Variants in DMXL1 observed in about 807,000 individuals in gnomAD.
DMXL1 encodes the protein dmX-like protein 1.
In DMXL1, 99 loss-of-function variants were observed where a neutral mutation model predicts 319.2. That is an observed-to-expected ratio of 0.31 (90% CI 0.26 to 0.37). The LOEUF is 0.37. Ranked by LOEUF, DMXL1 falls within the 10% of genes least tolerant of loss-of-function variation. The probability of loss-of-function intolerance (pLI) is 1.00; values close to 1 mark genes in which losing one functional copy is unlikely to be tolerated. For synonymous variants in DMXL1, 1,385 were observed against 1,235.2 expected (o/e 1.12, Z -2.54); for missense variants, 3,745 against 3,595.6 (o/e 1.04, Z -1.06).
intron 34 of DMXL1, among the ~76,000 whole-genome samples, chr5:119,215,951 C>T (rs1446644594): frequency 2.6e-5 from 4 of 151,740 alleles, no homozygotes; most frequent in Admixed American, 2.6e-4. Flanking sequence ...CAAAACTTAG[C>T]CCGGTGTGGT....
chr5:119,125,532 G>A (rs1015594547), intron 9 of DMXL1, among the ~76,000 whole-genome samples: 1 of 151,998 alleles, frequency 6.6e-6, no homozygotes, highest in Non-Finnish European at 1.5e-5. Flanking sequence ...ACTAAATGTG[G>A]ATTTTGTGTG....
chr5:119,239,195 A>G (rs2150728818), intron 41 of DMXL1, 115 bp downstream of exon 41: 2 of 1,121,422 alleles, frequency 1.8e-6, no homozygotes, highest in Non-Finnish European at 2.5e-6. Context: ...CAGTATTTTT[A>G]TTCTAAAAAC....
At chr5:119,201,651 C>G (rs1011676432) in intron 32 of DMXL1, among the ~76,000 whole-genome samples, 1 of 152,102 alleles carries the variant, frequency 6.6e-6, no homozygotes, top group Non-Finnish European at 1.5e-5. Flanking sequence ...ATGGTACCAG[C>G]TTTTCTTTGT....
chr5:119,121,086 A>T lies in DMXL1; in HGVS notation c.1049A>T (p.His350Leu). Residue 350 changes from histidine (H) to leucine (L), a missense_variant, in exon 9 of 44, where the codon CAT becomes CTT. Physicochemically the swap from His to Leu is moderately conservative, Grantham distance 99. Coordinates refer to ENST00000539542, the MANE Select transcript of DMXL1 (RefSeq NM_001290321.3). The stretch of plus-strand genomic sequence containing the variant: ...CATGTTCACAGGAACACTCCACTGC[A>T]TGCCAATGCACTTTGCCACTTTCAT... Reference protein sequence around the residue: ...PHHVHRNTPLHANALCHFHIA... With the variant: ...PHHVHRNTPLLANALCHFHIA... The T allele has an allele frequency of 1.2e-6, 2 of 1,612,252 alleles. No homozygotes were observed. The highest frequency in any genetic ancestry group is 1.7e-6 in the Non-Finnish European group (2 of 1,179,518).
intron 34 of DMXL1, among the ~76,000 whole-genome samples, chr5:119,210,757 G>GTTTTTTTTTTTTTTTTTTTTTTCTTTT: frequency 5.6e-5 from 5 of 89,778 alleles, no homozygotes; most frequent in East Asian, 3.5e-4. Flanking sequence ...TTTTTCTTTC[G>GTTTTTTTTTTTTTTTTTTTTTTCTTTT]TTTTTTTTTT....
At position 119,239,071 on chromosome 5, in the gene DMXL1, C is replaced by G. The variant is rs745541420; in HGVS notation, c.8642C>G (p.Thr2881Ser). 4 of 1,613,646 alleles carry G rather than the reference C, an allele frequency of 2.5e-6. No individual in the cohort carries two copies. The South Asian group carries it at 4.4e-5, about 18-fold the overall frequency. The change falls in exon 41 of 44, where the codon ACT (threonine) becomes AGT (serine). Residue 2881 changes from threonine (T) to serine (S), a missense_variant. Physicochemically the swap from Thr to Ser is moderately conservative, Grantham distance 58. Coordinates refer to ENST00000539542, the MANE Select transcript of DMXL1 (RefSeq NM_001290321.3). ...SSLIATAGLS[T>S]DNRNVCLWDT... ...CTGATAGCTACAGCTGGTCTTTCAA[C>G]TGACAATAGGTAAGAGATGATAGCT...
intron 2 of DMXL1, among the ~76,000 whole-genome samples, chr5:119,100,308 C>T (rs1420297164): frequency 2.0e-5 from 3 of 151,436 alleles, no homozygotes; most frequent in African/African-American, 4.8e-5. Flanking sequence ...TGGTGGCGGG[C>T]GTCTGTAATC....
intron 1 of DMXL1, among the ~76,000 whole-genome samples, chr5:119,095,852 T>C (rs1357676552): frequency 6.6e-6 from 1 of 152,218 alleles, no homozygotes; most frequent in Non-Finnish European, 1.5e-5. Flanking sequence ...TTTTGTTTGT[T>C]TGAGCCAGTT....
chr5:119,162,354 ATATCT>A (rs924967559), intron 19 of DMXL1, among the ~76,000 whole-genome samples: 2 of 152,186 alleles, frequency 1.3e-5, no homozygotes, highest in Admixed American at 6.5e-5. Flanking sequence ...TCTATAACAA[ATATCT>A]TAGACTGGGT....
intron 39 of DMXL1, among the ~76,000 whole-genome samples, chr5:119,235,727 A>T (rs935368954): frequency 1.2e-4 from 19 of 152,074 alleles, no homozygotes; most frequent in African/African-American, 4.6e-4. Flanking sequence ...GAAAAAGGTT[A>T]TTTACAACCC....
intron 28 of DMXL1, among the ~76,000 whole-genome samples, chr5:119,186,904 A>G (rs577472871): frequency 1.3e-5 from 2 of 150,032 alleles, no homozygotes; most frequent in Non-Finnish European, 3.0e-5. Flanking sequence ...GAAGGGGAAC[A>G]TCACACACTG....
In DMXL1 at chr5:119,193,898, A is replaced by G; in HGVS notation, c.7385A>G (p.Asp2462Gly). The change falls in exon 30 of 44, where the codon GAC (aspartate) becomes GGC (glycine). Residue 2462 changes from aspartate (D) to glycine (G), a missense_variant. Around this residue, in one of 4 missense-constraint regions of DMXL1, gnomAD observed 1,382 missense variants for 1,269.5 expected, o/e 1.09. Coordinates refer to ENST00000539542, the MANE Select transcript of DMXL1 (RefSeq NM_001290321.3). Reference sequence around the variant, plus strand: ...GAGAGTCTGGGAAGTGATGATGATGACAATGATGATGATGATGATGTTTTA... The same window carrying G: ...GAGAGTCTGGGAAGTGATGATGATGGCAATGATGATGATGATGATGTTTTA... ...SEESLGSDDD[D>G]NDDDDDVLAS... is the part of the protein sequence containing the mutation. The G allele has an allele frequency of 6.2e-7, 1 of 1,612,698 alleles. No individual in the cohort carries two copies. Among genetic ancestry groups the G allele is most frequent in the Non-Finnish European group, 8.5e-7 (1 of 1,179,286 alleles).
chr5:119,149,709 T>G lies in DMXL1; in HGVS notation c.3882T>G (p.Cys1294Trp). The G allele has an allele frequency of 6.2e-7, 1 of 1,614,014 alleles. No homozygotes were observed. The highest frequency in any genetic ancestry group is 1.7e-5 in the Admixed American group (1 of 59,978). Residue 1294 changes from cysteine (C) to tryptophan (W), a missense_variant, in exon 18 of 44, where the codon TGT (cysteine) becomes TGG (tryptophan). Transcript: ENST00000539542. ...TGACCAGTCTTGCACAGAAAATCTG[T>G]GGAAAGAAAACTGCATTCGATCCTT... is the stretch of plus-strand genomic sequence containing the variant. ...RSMTSLAQKI[C>W]GKKTAFDPSV... is the part of the protein sequence containing the mutation.
chr5:119,233,896 T>C (rs1233224134), intron 39 of DMXL1, among the ~76,000 whole-genome samples: 1 of 152,138 alleles, frequency 6.6e-6, no homozygotes, highest in African/African-American at 2.4e-5. Context: ...TTTACAAATA[T>C]TAAAGTTTTT....
intron 22 of DMXL1, 60 bp downstream of exon 22, chr5:119,166,841 G>A (rs1311158723): frequency 1.5e-6 from 2 of 1,367,132 alleles, no homozygotes; most frequent in African/African-American, 3.0e-5. Flanking sequence ...GCTCCTTAGT[G>A]CTTAAATTTT....
chr5:119,232,206 C>G (rs577498669), intron 38 of DMXL1, among the ~76,000 whole-genome samples: 20 of 152,114 alleles, frequency 1.3e-4, no homozygotes, highest in African/African-American at 4.6e-4. Flanking sequence ...TGCAACCACC[C>G]CAATTTATTT....
chr5:119,169,060 C>T (rs1774025831), intron 23 of DMXL1, among the ~76,000 whole-genome samples: 1 of 151,974 alleles, frequency 6.6e-6, no homozygotes, highest in South Asian at 2.1e-4. Context: ...TGCCACCATG[C>T]CTAGCTAATT....
chr5:119,078,195 G>A (rs545947827), intron 1 of DMXL1, among the ~76,000 whole-genome samples: 1 of 152,236 alleles, frequency 6.6e-6, no homozygotes, highest in South Asian at 2.1e-4. Context: ...GCCAGGGCTA[G>A]TCTGGAACTT....
chr5:119,214,135 A>G (rs530031994), intron 34 of DMXL1, among the ~76,000 whole-genome samples: 1 of 152,110 alleles, frequency 6.6e-6, no homozygotes, highest in Non-Finnish European at 1.5e-5. Flanking sequence ...AACTCCAGAC[A>G]TTGCCTGCTC....
Sources: gnomAD v4.1 joint callset for allele counts (sites outside exome capture counted in the v4.1 genomes callset) on GRCh38, gnomAD v4.1.1 for gene constraint, gnomAD v4.1.1 regional missense constraint, MANE v1.5 for transcripts, NCBI Gene and HGNC (gene_info 2026-07-23, HGNC 2026-07-21) for gene names.